WDFY4: variants seen among roughly 807,000 people sequenced by gnomAD.
WDFY4 encodes the protein WD repeat- and FYVE domain-containing protein 4.
WDFY4 carries 169 observed loss-of-function variants against 351.9 expected under a neutral mutation model. The ratio of observed to expected loss-of-function variants is 0.48; its 90% CI spans 0.42 to 0.55. The LOEUF (loss-of-function observed/expected upper bound fraction) is 0.55. Ranked by LOEUF, WDFY4 falls within the 20% of genes least tolerant of loss-of-function variation. WDFY4 has a pLI of 0.00. For missense variants in WDFY4, 3,803 were observed against 3,935.6 expected (o/e 0.97, Z 0.90); for synonymous variants, 1,622 against 1,574.6 (o/e 1.03, Z -0.71).
Position 48,821,095 on chromosome 10 carries a change from C to A in WDFY4, c.5743C>A (p.Arg1915=). Residue 1915 remains arginine (R), a synonymous_variant, in exon 34 of 62, where the codon CGA becomes AGA. Transcript: ENST00000325239. ...AGACCACGCCACCAGCCAACAGAAGCGAGACTTCCAGTCCGAGGTCCTGCT... is the reference window on the plus strand; with the variant it reads ...AGACCACGCCACCAGCCAACAGAAGAGAGACTTCCAGTCCGAGGTCCTGCT... The part of the protein sequence containing the change: ...SPDHATSQQK[R]DFQSEVLLSA... 3 of 1,551,690 alleles carry A rather than the reference C, an allele frequency of 1.9e-6. No homozygotes were observed. The highest frequency in any genetic ancestry group is 2.6e-6 in the Non-Finnish European group (3 of 1,146,982).
At chr10:48,685,325 G>T (rs1311838022) in intron 1 of WDFY4, among the ~76,000 whole-genome samples, 1 of 152,220 alleles carries the variant, frequency 6.6e-6, no homozygotes, top group East Asian at 1.9e-4. Flanking sequence ...CTTTCTCGGG[G>T]TCCTGCTATG....
At chr10:48,761,718 G>A (rs1405483752) in intron 13 of WDFY4, among the ~76,000 whole-genome samples, 1 of 152,182 alleles carries the variant, frequency 6.6e-6, no homozygotes, top group East Asian at 1.9e-4. Flanking sequence ...TACCTTAGAA[G>A]TTCCAAGAAA....
intron 18 of WDFY4, 58 bp from the exon 19 acceptor site, chr10:48,779,883 C>T: frequency 6.5e-7 from 1 of 1,539,800 alleles, no homozygotes; most frequent in Non-Finnish European, 8.8e-7. Context: ...TCCCCATTCT[C>T]CTGGGTTCCT....
intron 55 of WDFY4, chr10:48,968,265 G>T (rs1325655111): frequency 2.0e-5 from 3 of 152,342 alleles, no homozygotes; most frequent in Admixed American, 2.0e-4. Flanking sequence ...CCTGGCAGAT[G>T]CTGGTGCCAC....
At chr10:48,875,620 G>A (rs981878232) in intron 42 of WDFY4, among the ~76,000 whole-genome samples, 2 of 152,132 alleles carry the variant, frequency 1.3e-5, no homozygotes, top group Non-Finnish European at 1.5e-5. Context: ...TTGCCACATT[G>A]CCCAGGCTGG....
intron 24 of WDFY4, among the ~76,000 whole-genome samples, chr10:48,800,609 G>C (rs1331576241): frequency 1.3e-5 from 2 of 152,098 alleles, no homozygotes; most frequent in African/African-American, 4.8e-5. Flanking sequence ...GGCAGGGTTG[G>C]ACAGAAAGTT....
At chr10:48,950,921 T>C (rs2133798692) in intron 51 of WDFY4, among the ~76,000 whole-genome samples, 1 of 152,308 alleles carries the variant, frequency 6.6e-6, no homozygotes, top group African/African-American at 2.4e-5. Context: ...ATGGAGCACC[T>C]TTGCTGTCAC....
chr10:48,851,223 G>T (rs1264292605), intron 39 of WDFY4, among the ~76,000 whole-genome samples: 2 of 152,182 alleles, frequency 1.3e-5, no homozygotes, highest in Non-Finnish European at 2.9e-5. Context: ...CCGAGGTGCT[G>T]CAAGACTGGG....
At chr10:48,979,619 A>ATGGG (rs1842729154) in intron 60 of WDFY4, 1 of 151,112 alleles carries the variant, frequency 6.6e-6, no homozygotes, top group African/African-American at 2.4e-5. Flanking sequence ...GGATGGATGG[A>ATGGG]TGGACGGGTG....
intron 11 of WDFY4, among the ~76,000 whole-genome samples, chr10:48,738,664 T>G (rs769936098): frequency 3.9e-5 from 6 of 152,228 alleles, no homozygotes; most frequent in Non-Finnish European, 7.3e-5. Flanking sequence ...AGATCTACAT[T>G]TGTTTCTAAG....
intron 39 of WDFY4, among the ~76,000 whole-genome samples, chr10:48,853,722 T>G (rs2069033348): frequency 6.6e-6 from 1 of 152,242 alleles, no homozygotes; most frequent in Non-Finnish European, 1.5e-5. Flanking sequence ...TAAAGCAACA[T>G]CTCAACCTTC....
intron 39 of WDFY4, among the ~76,000 whole-genome samples, chr10:48,840,288 A>G (rs1160277329): frequency 6.6e-6 from 1 of 152,092 alleles, no homozygotes; most frequent in Non-Finnish European, 1.5e-5. Flanking sequence ...GTGGGGACAC[A>G]CTGCAGCATC....
At chr10:48,694,594 G>C (rs758502342) in intron 1 of WDFY4, among the ~76,000 whole-genome samples, 4 of 152,084 alleles carry the variant, frequency 2.6e-5, no homozygotes, top group African/African-American at 9.7e-5. Flanking sequence ...TCTCTGCTGA[G>C]AGCCCCACAG....
chr10:48,787,942 CTTCTTCTT>C (rs1565199092), intron 20 of WDFY4, among the ~76,000 whole-genome samples: 1,509 of 104,444 alleles, frequency 0.014, 58 homozygotes, highest in Admixed American at 0.043. Flanking sequence ...TCTTCTTCTT[CTTCTTCTT>C]CTTCTTCTTC....
At chr10:48,725,218 A>G (rs543060711) in intron 5 of WDFY4, among the ~76,000 whole-genome samples, 3 of 152,322 alleles carry the variant, frequency 2.0e-5, no homozygotes, top group East Asian at 1.9e-4. Context: ...ATGTCTTCCC[A>G]TGGAAGTAGC....
At chr10:48,722,034 T>G (rs910608076) in intron 4 of WDFY4, among the ~76,000 whole-genome samples, 2 of 152,084 alleles carry the variant, frequency 1.3e-5, no homozygotes, top group Non-Finnish European at 2.9e-5. Flanking sequence ...CAGTGTAACT[T>G]CTCCAAATTC....
intron 2 of WDFY4, among the ~76,000 whole-genome samples, chr10:48,719,789 C>T (rs1260166056): frequency 2.6e-5 from 4 of 152,126 alleles, no homozygotes; most frequent in Admixed American, 6.5e-5. Flanking sequence ...ATCTTAGGGG[C>T]TCGTGTTCAG....
intron 8 of WDFY4, 64 bp from the exon 9 acceptor site, chr10:48,731,046 A>G (rs868142917): frequency 1.4e-6 from 2 of 1,434,676 alleles, no homozygotes; most frequent in Admixed American, 2.6e-5. Context: ...AGTAATGAAA[A>G]CATCTATTTG....
chr10:48,952,499 A>G (rs1357730806), intron 51 of WDFY4, among the ~76,000 whole-genome samples: 14 of 152,336 alleles, frequency 9.2e-5, no homozygotes, highest in Non-Finnish European at 1.9e-4. Context: ...AGAGACAGAC[A>G]GTCCCGGGAT....
Sources: allele counts gnomAD v4.1 joint callset (sites outside exome capture counted in the v4.1 genomes callset), GRCh38; gene constraint gnomAD v4.1.1; transcripts MANE v1.5; gene names NCBI Gene and HGNC (gene_info 2026-07-23, HGNC 2026-07-21).